Variants in MTHFD1L observed in about 807,000 individuals in gnomAD.
MTHFD1L encodes methylenetetrahydrofolate dehydrogenase (NADP+ dependent) 1 like.
A neutral mutation model predicts 119.5 loss-of-function variants in MTHFD1L; 81 were observed. The observed-to-expected ratio is 0.68, with a 90% confidence interval of 0.57 to 0.82. The LOEUF (loss-of-function observed/expected upper bound fraction) is 0.82. Among genes scored for constraint, MTHFD1L ranks in the 40% least tolerant of loss-of-function variants. The pLI is 0.00. For synonymous variants in MTHFD1L, 430 were observed against 475.2 expected (o/e 0.90, Z 1.24); for missense variants, 1,125 against 1,253.4 (o/e 0.90, Z 1.55).
intron 5 of MTHFD1L, 66 bp downstream of exon 5, chr6:150,882,952 T>C: frequency 7.2e-7 from 1 of 1,394,702 alleles, no homozygotes; most frequent in Non-Finnish European, 9.6e-7. Flanking sequence ...TGCCTGCTTT[T>C]ATTTTTCTAA....
chr6:151,007,132 C>T lies in MTHFD1L; in HGVS notation c.2126-2687C>T, dbSNP rs139182530. On this transcript the variant is annotated intron_variant, in intron 20 of 27. Coordinates refer to ENST00000367321, the MANE Select transcript of MTHFD1L (RefSeq NM_015440.5). Reference sequence around the variant, plus strand: ...TTCTTTCCTCCCTCTCCTTCCTCCTCTTGGTCTCTGCCTGCCATACCCAAC... The same window carrying T: ...TTCTTTCCTCCCTCTCCTTCCTCCTTTTGGTCTCTGCCTGCCATACCCAAC... Among the ~76,000 whole-genome samples, 783 of 152,050 alleles carry T rather than the reference C, an allele frequency of 5.1e-3. 12 individuals carry two copies. Among genetic ancestry groups the T allele is most frequent in the African/African-American group, 0.017 (687 of 41,408 alleles).
At chr6:150,935,349 C>T in intron 11 of MTHFD1L, 1 of 1,613,536 alleles carries the variant, frequency 6.2e-7, no homozygotes, top group Admixed American at 1.7e-5. Context: ...CAAGGAGTCC[C>T]TGTACTTATA....
intron 8 of MTHFD1L, among the ~76,000 whole-genome samples, chr6:150,910,567 A>G (rs111672870): frequency 5.3e-5 from 8 of 152,216 alleles, no homozygotes; most frequent in African/African-American, 1.9e-4. Flanking sequence ...AAAAAAAAAA[A>G]AAAAGAAATT....
intron 26 of MTHFD1L, among the ~76,000 whole-genome samples, chr6:151,043,683 T>C (rs1787501638): frequency 1.3e-5 from 2 of 152,186 alleles, no homozygotes; most frequent in Non-Finnish European, 2.9e-5. Flanking sequence ...TGAGAGAGAC[T>C]TGAAGAACTT....
rs112342334 is a variant in MTHFD1L at position 151,066,207 on chromosome 6, C to T, written c.2848-26260C>T. Among the ~76,000 whole-genome samples the T allele has an allele frequency of 6.1e-4, 92 of 152,028 alleles. No individual in the cohort carries two copies. The East Asian group carries it at 9.5e-3, about 16-fold the overall frequency. On this transcript the variant is annotated intron_variant, in intron 26 of 27. Coordinates refer to ENST00000367321, the MANE Select transcript of MTHFD1L (RefSeq NM_015440.5). ...ATCCCAGCACTTTGGGAGGCCGAGG[C>T]GGGCGGATCATGAGGTCAGAAGATT...
intron 20 of MTHFD1L, among the ~76,000 whole-genome samples, chr6:150,973,865 C>T (rs1776146175): frequency 6.6e-6 from 1 of 152,120 alleles, no homozygotes; most frequent in African/African-American, 2.4e-5. Context: ...GGAGCCCTGA[C>T]TGGTAGTGTG....
chr6:150,937,397 C>T lies in MTHFD1L; in HGVS notation c.1393+457C>T, dbSNP rs192388158. On this transcript the variant is annotated intron_variant, in intron 12 of 27. Transcript: ENST00000367321. ...TGGACAGCGAGTCGTGATGAAATTC[C>T]TCCTTGGCCGTGGTCGGGCTGATAT... Among the ~76,000 whole-genome samples, 5 of 152,296 alleles carry T rather than the reference C, an allele frequency of 3.3e-5. No homozygotes were observed. In the East Asian group the frequency reaches 9.7e-4, roughly 29 times the overall value.
chr6:150,995,121 G>A (rs954602279), intron 20 of MTHFD1L, among the ~76,000 whole-genome samples: 1 of 151,956 alleles, frequency 6.6e-6, no homozygotes, highest in Admixed American at 6.6e-5. Context: ...ATACCAGATG[G>A]CAATTATAAC....
Position 150,866,258 on chromosome 6 carries a change from G to T in MTHFD1L, c.227+209G>T, listed in dbSNP as rs1331799748. 3 of 1,437,994 alleles carry T rather than the reference G, an allele frequency of 2.1e-6. No individual in the cohort carries two copies. In the South Asian group the frequency reaches 4.2e-5, roughly 20 times the overall value. The allele number at this position is 1,437,994 out of a possible 1,614,324, so 89.1% of individuals were successfully genotyped here. On this transcript the variant is annotated intron_variant, in intron 1 of 27. Coordinates refer to ENST00000367321, the MANE Select transcript of MTHFD1L (RefSeq NM_015440.5). ...GCGGAGAACGGGGGATCCAGTACCC[G>T]ACCGGGCCCGCAGCGCAGGTGGGCG...
At chr6:150,908,389 G>A (rs542962394) in intron 8 of MTHFD1L, among the ~76,000 whole-genome samples, 108 of 151,746 alleles carry the variant, frequency 7.1e-4, no homozygotes, top group Admixed American at 1.4e-3. Context: ...TTGGGAGGCC[G>A]AGGCAGGTGG....
At chr6:150,974,431 C>T (rs1320880134) in intron 20 of MTHFD1L, among the ~76,000 whole-genome samples, 1 of 152,148 alleles carries the variant, frequency 6.6e-6, no homozygotes, top group Non-Finnish European at 1.5e-5. Context: ...TTATAAAATA[C>T]ACGTAACATG....
intron 20 of MTHFD1L, among the ~76,000 whole-genome samples, chr6:151,007,224 C>T (rs2128476331): frequency 6.6e-6 from 1 of 151,996 alleles, no homozygotes; most frequent in South Asian, 2.1e-4. Flanking sequence ...CCCCCTCTCT[C>T]CAACCCTCCC....
chr6:151,002,180 G>A (rs1584053980), intron 20 of MTHFD1L, among the ~76,000 whole-genome samples: 1 of 152,234 alleles, frequency 6.6e-6, no homozygotes, highest in East Asian at 1.9e-4. Context: ...GTGATCAGTT[G>A]ATTGTTTGAT....
rs372398740 is a variant in MTHFD1L at position 151,057,528 on chromosome 6, A to T, written c.2847+20411A>T. Among the ~76,000 whole-genome samples, 6 of 152,084 alleles carry T rather than the reference A, an allele frequency of 3.9e-5. No homozygotes were observed. In the East Asian group the frequency reaches 1.2e-3, roughly 30 times the overall value. ...GCACCTGTAGTCCCAGCTACTCAGG[A>T]GGCTGGGGTGGGACCATCGCTTGGG... On this transcript the variant is annotated intron_variant, in intron 26 of 27. Transcript: ENST00000367321.
At chr6:151,034,266 CT>C (rs1187099278) in intron 24 of MTHFD1L, among the ~76,000 whole-genome samples, 1 of 151,714 alleles carries the variant, frequency 6.6e-6, no homozygotes, top group East Asian at 1.9e-4. Context: ...GCCTGAACAC[CT>C]AAGACTTATT....
chr6:151,061,000 G>A lies in MTHFD1L; in HGVS notation c.2847+23883G>A, dbSNP rs538081169. ...GGGGATGGGAATGAGAGCAATTACCGAACTAGAATGAACTAAACTCAATGA... is the reference window on the plus strand; with the variant it reads ...GGGGATGGGAATGAGAGCAATTACCAAACTAGAATGAACTAAACTCAATGA... On this transcript the variant is annotated intron_variant, in intron 26 of 27. Coordinates refer to ENST00000367321, the MANE Select transcript of MTHFD1L (RefSeq NM_015440.5). Among the ~76,000 whole-genome samples, 9 of 152,278 alleles carry A rather than the reference G, an allele frequency of 5.9e-5. No individual in the cohort carries two copies. In the South Asian group the frequency reaches 1.5e-3, roughly 25 times the overall value.
chr6:150,923,537 A>ATTTATTTATTTATTTATTTTTTTT (rs1254981530), intron 10 of MTHFD1L, among the ~76,000 whole-genome samples: 1 of 95,202 alleles, frequency 1.1e-5, no homozygotes, highest in Non-Finnish European at 2.0e-5. Context: ...TTATTTATTT[A>ATTTATTTATTTATTTATTTTTTTT]TTTTTTCTTT....
chr6:151,002,397 C>T (rs759486411), intron 20 of MTHFD1L, among the ~76,000 whole-genome samples: 3 of 152,218 alleles, frequency 2.0e-5, no homozygotes, highest in Non-Finnish European at 2.9e-5. Flanking sequence ...CATTGCCTGG[C>T]TACATAGAAA....
chr6:150,934,207 C>A (rs751236692), intron 11 of MTHFD1L, among the ~76,000 whole-genome samples: 7 of 152,222 alleles, frequency 4.6e-5, no homozygotes, highest in Non-Finnish European at 1.0e-4. Flanking sequence ...GTTTCCTCAT[C>A]TATCAAGTGA....
Sources: allele counts gnomAD v4.1 joint callset (sites outside exome capture counted in the v4.1 genomes callset), GRCh38; gene constraint gnomAD v4.1.1; transcripts MANE v1.5; gene names NCBI Gene and HGNC (gene_info 2026-07-23, HGNC 2026-07-21).